The following ACADL variants were observed in gnomAD, a reference collection of about 807,000 sequenced individuals.
The protein encoded by ACADL is acyl-CoA dehydrogenase long chain, also known as long-chain specific acyl-CoA dehydrogenase, mitochondrial.
A neutral mutation model predicts 56.9 loss-of-function variants in ACADL; 60 were observed. The ratio of observed to expected loss-of-function variants is 1.05; its 90% confidence interval spans 0.86 to 1.31. The LOEUF is 1.31. ACADL is among the 50% of genes most tolerant of loss of function. The pLI, the probability that ACADL is intolerant of heterozygous loss-of-function variation, is 0.00. For missense variants in ACADL, 484 were observed against 525.5 expected (o/e 0.92, Z 0.77); for synonymous variants, 158 against 179.7 (o/e 0.88, Z 0.97).
chr2:210,216,127 C>T (rs1689082348), intron 4 of ACADL, among the ~76,000 whole-genome samples: 1 of 152,198 alleles, frequency 6.6e-6, no homozygotes, highest in Non-Finnish European at 1.5e-5. Context: ...ATTCAACTTA[C>T]ACACTACCAT....
chr2:210,193,675 A>G (rs536476794), intron 9 of ACADL, among the ~76,000 whole-genome samples: 6 of 150,904 alleles, frequency 4.0e-5, no homozygotes, highest in Non-Finnish European at 8.9e-5. Context: ...TTTGTTTGTG[A>G]GTCTGTTTTA....
rs552347939 is a variant in ACADL, at chr2:210,204,508, A to C, written c.870+73T>G. 1.6e-5 allele frequency: 19 copies of C among 1,157,356 alleles called. No individual in the cohort carries two copies. In the African/African-American group the frequency reaches 2.7e-4, roughly 17 times the overall value. 71.7% of individuals were successfully genotyped at this position (1,157,356 alleles called of 1,614,324 possible). On this transcript the variant is annotated intron_variant, in intron 7 of 10. Coordinates refer to ENST00000233710, the MANE Select transcript of ACADL (RefSeq NM_001608.4). ...ATAAATTTGAATGCATAATATAGAA[A>C]TAACATGTTTCTATATTATTCTATT...
intron 8 of ACADL, among the ~76,000 whole-genome samples, chr2:210,200,879 G>A (rs1272092983): frequency 6.6e-6 from 1 of 152,160 alleles, no homozygotes; most frequent in Non-Finnish European, 1.5e-5. Flanking sequence ...AAGGATAACA[G>A]CTAATTTTAA....
Position 210,220,672 on chromosome 2 carries a change from C to G in ACADL, c.208G>C (p.Glu70Gln). 6.2e-7 allele frequency: 1 copy of G among 1,613,394 alleles called. No individual in the cohort carries two copies. The highest frequency in any genetic ancestry group is 8.5e-7 in the Non-Finnish European group (1 of 1,179,712). Reference protein sequence around the residue: ...FRKSVRKFFQEEVIPHHSEWE... With the variant: ...FRKSVRKFFQQEVIPHHSEWE... ...TCTGAGTGATGAGGAATCACTTCTT[C>G]TTGGAAAAACTTCCTTACACTTTTC... Residue 70 changes from glutamate (E) to glutamine (Q), a missense_variant, in exon 2 of 11, where the codon GAA (glutamate) becomes CAA (glutamine). Coordinates refer to ENST00000233710, the MANE Select transcript of ACADL (RefSeq NM_001608.4).
At position 210,219,021 on chromosome 2, in the gene ACADL, G is replaced by C. The variant is rs148388830; in HGVS notation, c.234-919C>G. Among the ~76,000 whole-genome samples, 11 of 152,278 alleles carry C rather than the reference G, an allele frequency of 7.2e-5. No individual in the cohort carries two copies. The East Asian group carries it at 2.1e-3, about 29-fold the overall frequency. ...AGTTGGAGATAGTGAAAAAATATCT[G>C]AGAATTTTTGTATTTTTAAGTGGAT... is the stretch of plus-strand genomic sequence containing the variant. On this transcript the variant is annotated intron_variant, in intron 2 of 10. Coordinates refer to ENST00000233710, the MANE Select transcript of ACADL (RefSeq NM_001608.4).
At chr2:210,221,974 C>T (rs1384424339) in intron 1 of ACADL, among the ~76,000 whole-genome samples, 1 of 152,178 alleles carries the variant, frequency 6.6e-6, no homozygotes, top group East Asian at 1.9e-4. Flanking sequence ...AAGTGATACA[C>T]CCATCTCAGC....
chr2:210,201,583 A>C (rs1215946089), intron 8 of ACADL, among the ~76,000 whole-genome samples: 2 of 152,108 alleles, frequency 1.3e-5, no homozygotes, highest in African/African-American at 4.8e-5. Context: ...ACTTGAACAT[A>C]ATTTCTAGAA....
In ACADL at chr2:210,225,314, G is replaced by A. The variant is rs1300342923; in HGVS notation, c.-51C>T. The A allele has an allele frequency of 1.3e-6, 2 of 1,518,654 alleles. No individual in the cohort carries two copies. The highest frequency in any genetic ancestry group is 2.0e-5 in the Admixed American group (1 of 50,740). The allele number at this position is 1,518,654 out of a possible 1,614,324, so 94.1% of individuals were successfully genotyped here. ...GACGGAGGCGACTCTGCGGCTACTCGGCGACTCGGGGCAGGGTCCCCGGGA... is the reference window on the plus strand; with the variant it reads ...GACGGAGGCGACTCTGCGGCTACTCAGCGACTCGGGGCAGGGTCCCCGGGA... On this transcript the variant is annotated 5_prime_UTR_variant, in exon 1 of 11. Coordinates refer to ENST00000233710, the MANE Select transcript of ACADL (RefSeq NM_001608.4).
chr2:210,205,564 T>C (rs910664533), intron 6 of ACADL, 68 bp downstream of exon 6: 22 of 1,501,040 alleles, frequency 1.5e-5, no homozygotes, highest in Non-Finnish European at 1.8e-5. Context: ...TAATCCTCTA[T>C]GTAAGTCTCC....
intron 7 of ACADL, among the ~76,000 whole-genome samples, 153 bp downstream of exon 7, chr2:210,204,428 C>G (rs1688850281): frequency 6.6e-6 from 1 of 152,138 alleles, no homozygotes; most frequent in East Asian, 1.9e-4. Context: ...AAAACTCATA[C>G]TTTTATTACA....
chr2:210,216,605 T>C (rs557308207), intron 3 of ACADL, 94 bp from the exon 4 acceptor site: 12 of 1,190,356 alleles, frequency 1.0e-5, no homozygotes, highest in Admixed American at 2.0e-5. Flanking sequence ...TCAAATTGTT[T>C]GGTAGTGGCC....
intron 8 of ACADL, among the ~76,000 whole-genome samples, chr2:210,199,791 C>A (rs1688764431): frequency 1.3e-5 from 2 of 152,070 alleles, no homozygotes; most frequent in South Asian, 4.1e-4. Flanking sequence ...GTCACTCAGG[C>A]TAGAGTACAA....
chr2:210,192,166 C>CTT (rs199848154), intron 10 of ACADL, among the ~76,000 whole-genome samples: 1 of 137,098 alleles, frequency 7.3e-6, no homozygotes, highest in Non-Finnish European at 1.6e-5. Flanking sequence ...TTCTGTATTG[C>CTT]TTTTTTTTTT....
At chr2:210,218,592 C>T (rs1689128702) in intron 2 of ACADL, 1 of 155,860 alleles carries the variant, frequency 6.4e-6, no homozygotes, top group African/African-American at 2.4e-5. Flanking sequence ...CAGCCCTCTC[C>T]TCTTATTTAT....
intron 8 of ACADL, among the ~76,000 whole-genome samples, chr2:210,196,115 A>C (rs971137741): frequency 1.3e-5 from 2 of 152,080 alleles, no homozygotes; most frequent in East Asian, 3.9e-4. Context: ...AGTAAGTCTC[A>C]TGAGATCTGA....
Position 210,195,328 on chromosome 2 carries a change from T to G in ACADL, c.995A>C (p.His332Pro), listed in dbSNP as rs1226460778. Residue 332 changes from histidine (H) to proline (P), a missense_variant, in exon 9 of 11, where the codon CAT becomes CCT. Physicochemically the swap from His to Pro is moderately conservative, Grantham distance 77. Coordinates refer to ENST00000233710, the MANE Select transcript of ACADL (RefSeq NM_001608.4). ...KTVAHLQTVQHKLAELKTHIC... is the reference protein window; with the variant it reads ...KTVAHLQTVQPKLAELKTHIC... ...ATGTGTTTTTAATTCTGCTAATTTATGTTGCACTGTCTTGAATTTAAAGGA... is the reference window on the plus strand; with the variant it reads ...ATGTGTTTTTAATTCTGCTAATTTAGGTTGCACTGTCTTGAATTTAAAGGA... The G allele has an allele frequency of 3.1e-6, 5 of 1,612,290 alleles. No homozygotes were observed. The highest frequency in any genetic ancestry group is 1.7e-4 in the Middle Eastern group (1 of 6,052).
chr2:210,207,360 T>C (rs908853234), intron 5 of ACADL, among the ~76,000 whole-genome samples: 1 of 152,170 alleles, frequency 6.6e-6, no homozygotes, highest in Admixed American at 6.5e-5. Context: ...AGCTTACCTC[T>C]CCTTACCTGG....
At chr2:210,192,751 T>C (rs1179441913) in intron 10 of ACADL, 53 bp downstream of exon 10, 1 of 1,374,038 alleles carries the variant, frequency 7.3e-7, no homozygotes, top group East Asian at 2.3e-5. Flanking sequence ...AGTAAAGAAA[T>C]TTTCCTTTTT....
At chr2:210,193,271 C>T (rs926946518) in intron 9 of ACADL, among the ~76,000 whole-genome samples, 4 of 151,972 alleles carry the variant, frequency 2.6e-5, no homozygotes, top group Admixed American at 6.6e-5. Flanking sequence ...GTTCTTTTTG[C>T]CCTTGTAATA....
Sources: allele counts gnomAD v4.1 joint callset (sites outside exome capture counted in the v4.1 genomes callset), GRCh38; gene constraint gnomAD v4.1.1; transcripts MANE v1.5; gene names NCBI Gene and HGNC (gene_info 2026-07-23, HGNC 2026-07-21).